Variants in ARHGAP21 observed in about 807,000 individuals in gnomAD.
The protein encoded by ARHGAP21 is rho GTPase-activating protein 21.
In ARHGAP21, 38 loss-of-function variants were observed where a neutral mutation model predicts 164.6. That is an observed-to-expected ratio of 0.23 (90% CI 0.18 to 0.30). The LOEUF (loss-of-function observed/expected upper bound fraction) is 0.30. ARHGAP21 is among the 10% of genes least tolerant of loss of function. The probability of loss-of-function intolerance (pLI) is 1.00; values close to 1 mark genes in which losing one functional copy is unlikely to be tolerated. For missense variants in ARHGAP21, 1,822 were observed against 2,370.7 expected (o/e 0.77, Z 4.81); for synonymous variants, 766 against 857.9 (o/e 0.89, Z 1.87).
chr10:24,593,937 A>C (rs2076458534), intron 21 of ARHGAP21, among the ~76,000 whole-genome samples: 1 of 152,062 alleles, frequency 6.6e-6, no homozygotes, highest in South Asian at 2.1e-4. Context: ...TTGAGCACCT[A>C]AAGGAAGTAA....
At chr10:24,606,615 G>A (rs1410624479) in intron 11 of ARHGAP21, among the ~76,000 whole-genome samples, 2 of 152,144 alleles carry the variant, frequency 1.3e-5, no homozygotes, top group Non-Finnish European at 2.9e-5. Flanking sequence ...AATATGGCAG[G>A]CCGAGGTGGG....
intron 2 of ARHGAP21, among the ~76,000 whole-genome samples, chr10:24,700,249 C>A (rs1843536433): frequency 6.6e-6 from 1 of 152,150 alleles, no homozygotes; most frequent in South Asian, 2.1e-4. Flanking sequence ...CCATATGCAC[C>A]CTGCCCACCA....
Position 24,666,282 on chromosome 10 carries a change from A to G in ARHGAP21, c.268+703T>C, listed in dbSNP as rs576490864. 2.0e-5 allele frequency among the ~76,000 whole-genome samples: 3 copies of G among 152,262 alleles called. No individual in the cohort carries two copies. The South Asian group carries it at 6.2e-4, about 32-fold the overall frequency. ...CCTGACCTTGTGATCCACCCGCCTCAGCCTCCCAAAGTGCTGGGATTACAG... is the reference window on the plus strand; with the variant it reads ...CCTGACCTTGTGATCCACCCGCCTCGGCCTCCCAAAGTGCTGGGATTACAG... On this transcript the variant is annotated intron_variant, in intron 4 of 25. Transcript: ENST00000396432.
chr10:24,697,210 C>T lies in ARHGAP21; in HGVS notation c.63+24627G>A, dbSNP rs78207502. Among the ~76,000 whole-genome samples the T allele has an allele frequency of 1.6e-3, 240 of 152,078 alleles. 5 individuals are homozygous for T. The East Asian group carries it at 0.03, about 19-fold the overall frequency. On this transcript the variant is annotated intron_variant, in intron 2 of 25. Coordinates refer to ENST00000396432, the MANE Select transcript of ARHGAP21 (RefSeq NM_020824.4). ...AACTCATTAAGCCAAGGGAAACCAT[C>T]CAGAGGAAAAGGACAGCTGGAGGTA...
intron 4 of ARHGAP21, among the ~76,000 whole-genome samples, chr10:24,643,705 C>T (rs2131464596): frequency 6.6e-6 from 1 of 152,256 alleles, no homozygotes; most frequent in East Asian, 1.9e-4. Context: ...CAAAATACAC[C>T]TGCTCTGTTC....
At chr10:24,604,642 TTTATG>T (rs2076950911) in intron 11 of ARHGAP21, among the ~76,000 whole-genome samples, 1 of 152,136 alleles carries the variant, frequency 6.6e-6, no homozygotes, top group Admixed American at 6.5e-5. Flanking sequence ...AACACTGGGT[TTTATG>T]TTATTAGTTA....
intron 24 of ARHGAP21, 106 bp downstream of exon 24, chr10:24,591,106 GAAAGGAAGAGAAA>G (rs1222518295): frequency 1.2e-5 from 12 of 1,026,676 alleles, no homozygotes; most frequent in Non-Finnish European, 1.7e-5. Flanking sequence ...TTTATTAGTA[GAAAGGAAGAGAAA>G]AAGAAAAAAA....
chr10:24,675,891 T>C (rs1282200843), intron 2 of ARHGAP21, among the ~76,000 whole-genome samples: 4 of 152,220 alleles, frequency 2.6e-5, no homozygotes, highest in Admixed American at 2.6e-4. Flanking sequence ...CTCATGCCTG[T>C]AATCACAGCA....
At chr10:24,596,696 T>C in intron 17 of ARHGAP21, 44 bp downstream of exon 17, 1 of 1,612,094 alleles carries the variant, frequency 6.2e-7, no homozygotes, top group Non-Finnish European at 8.5e-7. Flanking sequence ...TAATCAAAAC[T>C]GAATTAATGA....
At chr10:24,695,678 A>G (rs1480303642) in intron 2 of ARHGAP21, among the ~76,000 whole-genome samples, 1 of 152,076 alleles carries the variant, frequency 6.6e-6, no homozygotes, top group Admixed American at 6.6e-5. Context: ...GCTCTCTTCC[A>G]TCATTTCTTC....
At chr10:24,649,421 C>G (rs1837932104) in intron 4 of ARHGAP21, among the ~76,000 whole-genome samples, 1 of 152,096 alleles carries the variant, frequency 6.6e-6, no homozygotes, top group Non-Finnish European at 1.5e-5. Flanking sequence ...GGAGACTCTC[C>G]CGCACTTAAG....
chr10:24,666,575 A>G (rs1466293079), intron 4 of ARHGAP21, among the ~76,000 whole-genome samples: 2 of 152,230 alleles, frequency 1.3e-5, no homozygotes, highest in Non-Finnish European at 2.9e-5. Flanking sequence ...CAACAGTAAC[A>G]TTAACTACAA....
chr10:24,614,764 C>T (rs564040554), intron 9 of ARHGAP21, among the ~76,000 whole-genome samples: 215 of 122,830 alleles, frequency 1.8e-3, no homozygotes, highest in African/African-American at 6.9e-3. Context: ...GGCTGGGTGA[C>T]AGAGTGAGAC....
intron 2 of ARHGAP21, among the ~76,000 whole-genome samples, chr10:24,719,364 T>A (rs1439665658): frequency 6.6e-6 from 1 of 152,164 alleles, no homozygotes; most frequent in Non-Finnish European, 1.5e-5. Context: ...ATATCATATA[T>A]CAACACAATA....
chr10:24,634,579 G>A (rs948000521), intron 5 of ARHGAP21, among the ~76,000 whole-genome samples: 4 of 152,186 alleles, frequency 2.6e-5, no homozygotes, highest in African/African-American at 7.2e-5. Flanking sequence ...TTCCGCATTG[G>A]AGACTTAAGC....
intron 2 of ARHGAP21, among the ~76,000 whole-genome samples, chr10:24,711,233 A>T (rs1045164271): frequency 6.6e-6 from 1 of 152,072 alleles, no homozygotes; most frequent in African/African-American, 2.4e-5. Flanking sequence ...ATCGCTGCAT[A>T]TCTAACAACT....
intron 24 of ARHGAP21, chr10:24,589,572 C>G (rs561459884): frequency 5.2e-6 from 2 of 384,728 alleles, no homozygotes; most frequent in African/African-American, 4.2e-5. Flanking sequence ...CAGAAACACT[C>G]GTGTTTATTA....
intron 9 of ARHGAP21, among the ~76,000 whole-genome samples, chr10:24,615,201 A>C (rs1320276418): frequency 2.0e-5 from 3 of 152,070 alleles, no homozygotes; most frequent in Admixed American, 6.6e-5. Context: ...AAAAACAAAC[A>C]AAAAAAACTA....
chr10:24,608,339 G>A (rs572870836), intron 9 of ARHGAP21, among the ~76,000 whole-genome samples: 2 of 152,114 alleles, frequency 1.3e-5, no homozygotes, highest in East Asian at 1.9e-4. Context: ...TCCTAAAACC[G>A]TATCCCCGCC....
Sources: allele counts gnomAD v4.1 joint callset (sites outside exome capture counted in the v4.1 genomes callset), GRCh38; gene constraint gnomAD v4.1.1; transcripts MANE v1.5; gene names NCBI Gene and HGNC (gene_info 2026-07-23, HGNC 2026-07-21).